Variants in UBR1 observed in about 807,000 individuals in gnomAD.
The protein encoded by UBR1 is E3 ubiquitin-protein ligase UBR1.
A neutral mutation model predicts 242.1 loss-of-function variants in UBR1; 102 were observed. The ratio of observed to expected loss-of-function variants is 0.42; its 90% CI spans 0.36 to 0.50. UBR1 has a LOEUF of 0.50. UBR1 is among the 20% of genes least tolerant of loss of function. UBR1 has a pLI of 0.01. For synonymous variants in UBR1, 675 were observed against 684.8 expected (o/e 0.99, Z 0.22); for missense variants, 1,772 against 2,101.8 (o/e 0.84, Z 3.07).
chr15:42,949,178 G>A (rs2031786533), intron 46 of UBR1, among the ~76,000 whole-genome samples: 1 of 149,018 alleles, frequency 6.7e-6, no homozygotes, highest in African/African-American at 2.5e-5. Flanking sequence ...CTATTGCAAG[G>A]ACAAAAAACC....
At chr15:43,053,251 G>A (rs1230955008) in intron 12 of UBR1, among the ~76,000 whole-genome samples, 5 of 152,192 alleles carry the variant, frequency 3.3e-5, no homozygotes, top group African/African-American at 1.2e-4. Context: ...ATTTAGGGAT[G>A]TGCTGGCTCT....
intron 35 of UBR1, among the ~76,000 whole-genome samples, chr15:42,987,570 T>G (rs1023645733): frequency 2.6e-5 from 4 of 151,850 alleles, no homozygotes; most frequent in Admixed American, 6.6e-5. Flanking sequence ...AAAAATTGGC[T>G]GGGCGTGGTG....
intron 1 of UBR1, among the ~76,000 whole-genome samples, chr15:43,091,704 G>A (rs1048904572): frequency 6.6e-6 from 1 of 151,822 alleles, no homozygotes; most frequent in East Asian, 1.9e-4. Flanking sequence ...GGCCGAGGTG[G>A]GTGGATCACT....
chr15:43,054,667 G>A, intron 12 of UBR1, 75 bp downstream of exon 12: 1 of 1,519,344 alleles, frequency 6.6e-7, no homozygotes, highest in East Asian at 2.3e-5. Context: ...ATGATCACAG[G>A]ATTACTTATA....
intron 2 of UBR1, among the ~76,000 whole-genome samples, chr15:43,083,608 C>T (rs2033998815): frequency 6.6e-6 from 1 of 151,974 alleles, no homozygotes; most frequent in African/African-American, 2.4e-5. Flanking sequence ...TCTCGAACTC[C>T]TGACCTCAAG....
In UBR1 at chr15:43,025,419, A is replaced by G. The variant is rs1375695034; in HGVS notation, c.2546T>C (p.Met849Thr). 1.2e-6 allele frequency: 2 copies of G among 1,607,160 alleles called. No homozygotes were observed. The highest frequency in any genetic ancestry group is 1.3e-5 in the African/African-American group (1 of 74,966). ...SKTQHSKAEHMQKKRRKQENK... is the reference protein window; with the variant it reads ...SKTQHSKAEHTQKKRRKQENK... ...TTCTTGTTTTCTCCTTTTCTTCTGC[A>G]TATGTTCAGCCTATAAAAAAATCTA... Residue 849 changes from methionine (M) to threonine (T), a missense_variant, in exon 24 of 47, where the codon ATG becomes ACG. By Grantham distance (81) the Met-to-Thr change is moderately conservative. Around this residue, in one of 3 missense-constraint regions of UBR1, gnomAD observed 965 missense variants for 1,079.7 expected, o/e 0.89. Coordinates refer to ENST00000290650, the MANE Select transcript of UBR1 (RefSeq NM_174916.3).
chr15:43,070,920 T>C lies in UBR1; in HGVS notation c.534A>G (p.Ser178=), dbSNP rs201083590. The C allele has an allele frequency of 3.1e-6, 5 of 1,613,058 alleles. No homozygotes were observed. Among genetic ancestry groups the C allele is most frequent in the African/African-American group, 1.3e-5 (1 of 74,892 alleles). ...TTACCTCTTCATTCAACGGACAGCG[T>C]GAATTCTATAAAAAAGCCGAGAAAA... ...PGRAGTIKEN[S]RCPLNEEVIV... The change falls in exon 5 of 47, where the codon TCA becomes TCG. Residue 178 remains serine (S), a synonymous_variant. Coordinates refer to ENST00000290650, the MANE Select transcript of UBR1 (RefSeq NM_174916.3).
At chr15:43,044,453 G>T (rs2033458580) in intron 14 of UBR1, among the ~76,000 whole-genome samples, 1 of 152,148 alleles carries the variant, frequency 6.6e-6, no homozygotes, top group South Asian at 2.1e-4. Context: ...TCAAATCTGG[G>T]TGAATACAGA....
At chr15:43,081,022 G>C (rs997517797) in intron 3 of UBR1, among the ~76,000 whole-genome samples, 1 of 152,118 alleles carries the variant, frequency 6.6e-6, no homozygotes, top group African/African-American at 2.4e-5. Flanking sequence ...TAAATACCAA[G>C]GAGTGCTGTT....
In UBR1 at chr15:42,999,004, T is replaced by A. The variant is rs897767630; in HGVS notation, c.3660-739A>T. Among the ~76,000 whole-genome samples the A allele has an allele frequency of 6.1e-5, 9 of 148,584 alleles. No individual in the cohort carries two copies. In the East Asian group the frequency reaches 1.8e-3, roughly 30 times the overall value. ...CAGGCTGGAATGCAGTAGCACAATC[T>A]TGGCTCACTGCAACCAACCTCTGCC... On this transcript the variant is annotated intron_variant, in intron 32 of 46. Transcript: ENST00000290650.
At chr15:43,008,817 T>A (rs1009036639) in intron 29 of UBR1, among the ~76,000 whole-genome samples, 6 of 152,170 alleles carry the variant, frequency 3.9e-5, no homozygotes, top group Admixed American at 3.3e-4. Context: ...CCAATTCAAG[T>A]CTCCTGACTT....
chr15:42,979,913 T>C (rs887907828), intron 37 of UBR1, among the ~76,000 whole-genome samples: 1 of 152,180 alleles, frequency 6.6e-6, no homozygotes, highest in Non-Finnish European at 1.5e-5. Flanking sequence ...ACTCTATAAA[T>C]GTTATTAATA....
Position 43,067,880 on chromosome 15 carries a change from C to A in UBR1, c.798+18G>T. 1 of 1,613,874 alleles carries A rather than the reference C, an allele frequency of 6.2e-7. No homozygotes were observed. Among genetic ancestry groups the A allele is most frequent in the African/African-American group, 1.3e-5 (1 of 75,020 alleles). On this transcript the variant is annotated intron_variant, in intron 6 of 46. Coordinates refer to ENST00000290650, the MANE Select transcript of UBR1 (RefSeq NM_174916.3). The stretch of plus-strand genomic sequence containing the variant: ...GCTGACAGAAAACAGAAACGCAATT[C>A]AAAAGGAGACCACAAACCTCTTTGT...
At position 43,103,935 on chromosome 15, in the gene UBR1, GAA is replaced by G. The variant is rs1043075127; in HGVS notation, c.81+2005_81+2006del. 7.3e-5 allele frequency among the ~76,000 whole-genome samples: 11 copies of G among 151,668 alleles called. No homozygotes were observed. In the South Asian group the frequency reaches 8.3e-4, roughly 11 times the overall value. On this transcript the variant is annotated intron_variant, in intron 1 of 46. Transcript: ENST00000290650. ...TAATAGCTTTTAAAAGAGAAAAAGA[GAA>G]AGAGAGAGGTAGAATGATCTGTAGG... is the stretch of plus-strand genomic sequence containing the variant.
rs1260000757 is a variant in UBR1 at position 43,076,151 on chromosome 15, T to TG, written c.418-1063_418-1062insC. 5.9e-5 allele frequency among the ~76,000 whole-genome samples: 9 copies of TG among 151,476 alleles called. No individual in the cohort carries two copies. In the East Asian group the frequency reaches 9.7e-4, roughly 16 times the overall value. ...CGCCACGCCTGACTGGTTTTCGTTT[T>TG]TTTTTTTTTTGGTGGAGACGGGGTT... is the stretch of plus-strand genomic sequence containing the variant. On this transcript the variant is annotated intron_variant, in intron 3 of 46. Transcript: ENST00000290650.
chr15:43,033,724 C>G (rs1192326475), intron 19 of UBR1, among the ~76,000 whole-genome samples: 1 of 152,106 alleles, frequency 6.6e-6, no homozygotes, highest in Non-Finnish European at 1.5e-5. Flanking sequence ...GGAGTAACTT[C>G]TAATTTGAAA....
chr15:42,990,354 T>G (rs1347742715), intron 33 of UBR1, among the ~76,000 whole-genome samples: 1 of 152,174 alleles, frequency 6.6e-6, no homozygotes, highest in African/African-American at 2.4e-5. Context: ...TTAAACAATT[T>G]TTTTGTAAAG....
chr15:43,048,512 G>T (rs756462716), intron 12 of UBR1, 21 bp from the exon 13 acceptor site: 35 of 1,559,314 alleles, frequency 2.2e-5, no homozygotes, highest in East Asian at 2.2e-5. Context: ...AAGAAAGAAA[G>T]AAATATTTCA....
At chr15:43,080,409 C>T (rs1293877323) in intron 3 of UBR1, among the ~76,000 whole-genome samples, 1 of 152,136 alleles carries the variant, frequency 6.6e-6, no homozygotes, top group Non-Finnish European at 1.5e-5. Flanking sequence ...TTTTTTATTG[C>T]CTCCCCAGTT....
Sources: allele counts gnomAD v4.1 joint callset (sites outside exome capture counted in the v4.1 genomes callset), GRCh38; gene constraint gnomAD v4.1.1; regional missense constraint gnomAD v4.1.1; transcripts MANE v1.5; gene names NCBI Gene and HGNC (gene_info 2026-07-23, HGNC 2026-07-21).